RB1CC1: variants seen among roughly 807,000 people sequenced by gnomAD.
The protein encoded by RB1CC1 is RB1-inducible coiled-coil protein 1.
Under a neutral mutation model 177.5 loss-of-function variants are expected in RB1CC1, and 46 were observed. That is an observed-to-expected ratio of 0.26 (90% CI 0.20 to 0.33). RB1CC1 has a LOEUF of 0.33. RB1CC1 is among the 10% of genes least tolerant of loss of function. The probability of loss-of-function intolerance (pLI) is 1.00; values close to 1 mark genes in which losing one functional copy is unlikely to be tolerated. For missense variants in RB1CC1, 1,703 were observed against 1,816.3 expected, an observed-to-expected ratio of 0.94 and a Z score of 1.13; for synonymous variants, 666 against 613.6, an observed-to-expected ratio of 1.09 and a Z score of -1.26.
chr8:52,641,614 A>G (rs1038486686), intron 18 of RB1CC1, among the ~76,000 whole-genome samples: 3 of 152,012 alleles, frequency 2.0e-5, no homozygotes, highest in Non-Finnish European at 4.4e-5. Context: ...TTTGGTAATC[A>G]CTTGTTCGAA....
intron 15 of RB1CC1, among the ~76,000 whole-genome samples, chr8:52,655,525 G>C (rs1186930137): frequency 6.6e-6 from 1 of 151,844 alleles, no homozygotes; most frequent in African/African-American, 2.4e-5. Context: ...CAAGCACAGA[G>C]GAAATAACTG....
intron 20 of RB1CC1, among the ~76,000 whole-genome samples, chr8:52,633,447 T>C (rs191106758): frequency 6.6e-6 from 1 of 152,308 alleles, no homozygotes; most frequent in Admixed American, 6.5e-5. Context: ...TTGAGTCATG[T>C]CTGAGATAGA....
rs142709211 is a variant in RB1CC1 at position 52,658,070 on chromosome 8, A to G, written c.1848T>C (p.His616=). 1.2e-6 allele frequency: 2 copies of G among 1,614,048 alleles called. No individual in the cohort carries two copies. Among genetic ancestry groups the G allele is most frequent in the Non-Finnish European group, 8.5e-7 (1 of 1,179,984 alleles). The change falls in exon 14 of 24, where the codon CAT becomes CAC. Residue 616 remains histidine, a synonymous_variant. Coordinates refer to ENST00000025008, the MANE Select transcript of RB1CC1 (RefSeq NM_014781.5). ...EPLHQHVLAL[H]NLVKAAQSLD... is the part of the protein sequence containing the mutation. Reference sequence around the variant, plus strand: ...AACTTTGTGCTGCTTTTACCAAATTATGTAGAGCAAGTACATGCTGGTGTA... The same window carrying G: ...AACTTTGTGCTGCTTTTACCAAATTGTGTAGAGCAAGTACATGCTGGTGTA...
intron 5 of RB1CC1, among the ~76,000 whole-genome samples, chr8:52,680,516 G>A (rs1013335542): frequency 6.6e-6 from 1 of 151,938 alleles, no homozygotes; most frequent in African/African-American, 2.4e-5. Flanking sequence ...AGAGATTGCA[G>A]AAGTAGAAGA....
At chr8:52,647,293 T>A (rs1157727050) in intron 15 of RB1CC1, among the ~76,000 whole-genome samples, 1 of 152,178 alleles carries the variant, frequency 6.6e-6, no homozygotes, top group Non-Finnish European at 1.5e-5. Flanking sequence ...TATCAAAGTC[T>A]GAGACTCCTT....
chr8:52,641,277 A>C (rs1278511195), intron 18 of RB1CC1, among the ~76,000 whole-genome samples: 2 of 150,572 alleles, frequency 1.3e-5, no homozygotes, highest in Admixed American at 6.7e-5. Context: ...CCGGCTATTC[A>C]GGAGGCTAAG....
intron 7 of RB1CC1, among the ~76,000 whole-genome samples, chr8:52,671,469 A>G (rs907209357): frequency 3.3e-5 from 5 of 152,240 alleles, no homozygotes; most frequent in African/African-American, 9.6e-5. Context: ...GTAAAAAACC[A>G]TCTCCAATCA....
intron 21 of RB1CC1, among the ~76,000 whole-genome samples, chr8:52,629,021 T>A (rs1458113414): frequency 6.6e-6 from 1 of 152,182 alleles, no homozygotes; most frequent in Admixed American, 6.5e-5. Flanking sequence ...AAATGGGGCC[T>A]CTATGAGGCA....
intron 1 of RB1CC1, among the ~76,000 whole-genome samples, chr8:52,705,412 T>C (rs1856457538): frequency 2.0e-5 from 3 of 152,226 alleles, no homozygotes; most frequent in Admixed American, 2.0e-4. Flanking sequence ...TACTACTTTT[T>C]ACCCTTCAGA....
intron 18 of RB1CC1, among the ~76,000 whole-genome samples, chr8:52,638,558 TTTTA>T (rs1444522156): frequency 5.9e-5 from 9 of 152,208 alleles, no homozygotes; most frequent in South Asian, 2.1e-4. Context: ...GGTTTTTATC[TTTTA>T]TTTATTAAAA....
intron 18 of RB1CC1, among the ~76,000 whole-genome samples, chr8:52,640,129 C>G (rs1296756857): frequency 1.3e-5 from 2 of 152,028 alleles, no homozygotes; most frequent in Non-Finnish European, 2.9e-5. Flanking sequence ...TACTTTGGTT[C>G]TGAATAACTC....
In RB1CC1 at chr8:52,714,104, A is replaced by G; in HGVS notation, c.-196T>C. ...CAACGCCTCCTCCTTCGCCGGCGGC[A>G]GCAGCAGAGCCAGCGACCCCCGGCA... On this transcript the variant is annotated 5_prime_UTR_variant, in exon 1 of 24. Transcript: ENST00000025008. 1 of 351,236 alleles carries G rather than the reference A, an allele frequency of 2.8e-6. No homozygotes were observed. Among genetic ancestry groups the G allele is most frequent in the Non-Finnish European group, 5.8e-6 (1 of 173,710 alleles). 21.8% of individuals were successfully genotyped at this position (351,236 alleles called of 1,614,324 possible).
intron 18 of RB1CC1, among the ~76,000 whole-genome samples, chr8:52,641,377 T>C (rs1195227421): frequency 2.5e-4 from 28 of 113,292 alleles, no homozygotes; most frequent in Non-Finnish European, 2.4e-4. Context: ...AGAGTGAGAC[T>C]TCATCTCAAA....
intron 20 of RB1CC1, 134 bp from the exon 21 acceptor site, chr8:52,630,662 T>C: frequency 1.3e-6 from 1 of 775,088 alleles, no homozygotes; most frequent in Non-Finnish European, 1.8e-6. Context: ...AATATAGTTC[T>C]TATGTTCATT....
chr8:52,658,706 T>G (rs1851322181), intron 13 of RB1CC1, among the ~76,000 whole-genome samples, 167 bp downstream of exon 13: 1 of 152,150 alleles, frequency 6.6e-6, no homozygotes, highest in African/African-American at 2.4e-5. Flanking sequence ...TTTTCCATCA[T>G]TTTTTATTCC....
chr8:52,635,002 C>T (rs1849023739), intron 19 of RB1CC1, 34 bp from the exon 20 acceptor site: 4 of 1,544,112 alleles, frequency 2.6e-6, no homozygotes, highest in Non-Finnish European at 3.5e-6. Context: ...GTGGTTTATC[C>T]TTGTACCTAC....
chr8:52,690,215 A>C (rs1317414672), intron 1 of RB1CC1, among the ~76,000 whole-genome samples: 2 of 152,262 alleles, frequency 1.3e-5, no homozygotes, highest in Non-Finnish European at 2.9e-5. Context: ...CATAGGCTTT[A>C]TCTTACAGCT....
chr8:52,707,460 T>TG lies in RB1CC1; in HGVS notation c.-167+6614_-167+6615insC, dbSNP rs556388765. Among the ~76,000 whole-genome samples, 328 of 150,700 alleles carry TG rather than the reference T, an allele frequency of 2.2e-3. 2 individuals carry two copies. Among genetic ancestry groups the TG allele is most frequent in the Middle Eastern group, 0.01 (3 of 292 alleles). ...TTTTTTTTTTTTTTTTTACAAACTT[T>TG]CCAAAGTGACAATGGACCAGGCTTC... is the stretch of plus-strand genomic sequence containing the variant. On this transcript the variant is annotated intron_variant, in intron 1 of 23. Coordinates refer to ENST00000025008, the MANE Select transcript of RB1CC1 (RefSeq NM_014781.5).
At chr8:52,713,315 C>T (rs1563489207) in intron 1 of RB1CC1, among the ~76,000 whole-genome samples, 1 of 152,176 alleles carries the variant, frequency 6.6e-6, no homozygotes, top group Non-Finnish European at 1.5e-5. Flanking sequence ...GACTAGATTA[C>T]GAAACCATAA....
Sources: gnomAD v4.1 joint callset for allele counts (sites outside exome capture counted in the v4.1 genomes callset) on GRCh38, gnomAD v4.1.1 for gene constraint, MANE v1.5 for transcripts, NCBI Gene and HGNC (gene_info 2026-07-23, HGNC 2026-07-21) for gene names.